Variants in ECT2 observed in about 807,000 individuals in gnomAD.
ECT2 encodes the protein protein ECT2.
ECT2 carries 61 observed loss-of-function variants against 116.9 expected under a neutral mutation model. That is an observed-to-expected ratio of 0.52 (90% CI 0.42 to 0.65). ECT2 has a LOEUF of 0.65. Ranked by LOEUF, ECT2 falls within the 30% of genes least tolerant of loss-of-function variation. The probability of loss-of-function intolerance (pLI) is 0.00; values close to 1 mark genes in which losing one functional copy is unlikely to be tolerated. For missense variants in ECT2, 937 were observed against 1,078.7 expected, an observed-to-expected ratio of 0.87 and a Z score of 1.84; for synonymous variants, 358 against 346.4, an observed-to-expected ratio of 1.03 and a Z score of -0.37.
intron 14 of ECT2, among the ~76,000 whole-genome samples, chr3:172,781,834 T>G (rs999808875): frequency 6.6e-6 from 1 of 152,180 alleles, no homozygotes; most frequent in Admixed American, 6.6e-5. Flanking sequence ...TTCTTAGATT[T>G]CAGCAGCAGG....
intron 13 of ECT2, among the ~76,000 whole-genome samples, chr3:172,773,337 G>T (rs761909625): frequency 3.3e-5 from 5 of 151,702 alleles, no homozygotes; most frequent in Non-Finnish European, 4.4e-5. Context: ...AAATTGACTT[G>T]TGTCTGTGCA....
intron 13 of ECT2, among the ~76,000 whole-genome samples, chr3:172,769,518 C>G (rs1481861267): frequency 2.6e-5 from 4 of 152,050 alleles, no homozygotes; most frequent in African/African-American, 9.7e-5. Flanking sequence ...GTTTTTAGTA[C>G]TGTATATATG....
At chr3:172,792,282 G>A (rs1724809949) in intron 18 of ECT2, among the ~76,000 whole-genome samples, 1 of 152,176 alleles carries the variant, frequency 6.6e-6, no homozygotes, top group Admixed American at 6.5e-5. Context: ...AAAATGACAT[G>A]ATAGACCTAC....
intron 1 of ECT2, among the ~76,000 whole-genome samples, chr3:172,751,525 T>TAAAA (rs1715826131): frequency 6.6e-6 from 1 of 152,008 alleles, no homozygotes; most frequent in Non-Finnish European, 1.5e-5. Flanking sequence ...TTAAAAGGTT[T>TAAAA]AGGACAATGT....
the ECT2 span, chr3:172,828,740 G>C: frequency 9.5e-5 from 52 of 545,312 alleles, no homozygotes; most frequent in South Asian, 9.7e-4. Flanking sequence ...CTCACGTGGC[G>C]AAGAGGATGA....
intron 18 of ECT2, among the ~76,000 whole-genome samples, chr3:172,793,089 C>T (rs62281235): frequency 0.1 from 15,642 of 152,248 alleles, 1,047 homozygotes; most frequent in Non-Finnish European, 0.15. Context: ...TTCCCATCAA[C>T]AGTGTGTGGT....
intron 18 of ECT2, among the ~76,000 whole-genome samples, chr3:172,801,919 A>G (rs141244023): frequency 7.4e-4 from 112 of 152,336 alleles, no homozygotes; most frequent in African/African-American, 2.6e-3. Context: ...TGATTAGCCT[A>G]TGACTTGGTA....
intron 5 of ECT2, 47 bp from the exon 6 acceptor site, chr3:172,758,933 T>A: frequency 6.9e-7 from 1 of 1,452,944 alleles, no homozygotes; most frequent in Non-Finnish European, 9.5e-7. Context: ...TGTGTTGTAT[T>A]TTCTACTAAA....
chr3:172,813,409 T>C (rs1163417822), intron 22 of ECT2, among the ~76,000 whole-genome samples: 1 of 152,100 alleles, frequency 6.6e-6, no homozygotes, highest in Admixed American at 6.6e-5. Context: ...GATTCTTTCC[T>C]GTTCTGACAG....
Position 172,769,136 on chromosome 3 carries a change from T to C in ECT2, c.1421T>C (p.Ile474Thr), listed in dbSNP as rs779392868. 6.2e-6 allele frequency: 10 copies of C among 1,611,248 alleles called. No homozygotes were observed. The highest frequency in any genetic ancestry group is 7.6e-6 in the Non-Finnish European group (9 of 1,178,376). ...AATTATGTTAATATATTGGCAACAATTATTCAGGTAAGTATGAGTTTGATT... is the reference window on the plus strand; with the variant it reads ...AATTATGTTAATATATTGGCAACAACTATTCAGGTAAGTATGAGTTTGATT... Reference protein sequence around the residue: ...ESNYVNILATIIQLFQVPLEE... With the variant: ...ESNYVNILATTIQLFQVPLEE... Residue 474 changes from isoleucine (I) to threonine (T), a missense_variant, in exon 13 of 25, where the codon ATT becomes ACT. Physicochemically the swap from Ile to Thr is moderately conservative, Grantham distance 89. Transcript: ENST00000392692.
At chr3:172,795,325 A>C (rs995928741) in intron 18 of ECT2, among the ~76,000 whole-genome samples, 2,974 of 60,748 alleles carry the variant, frequency 0.049, 79 homozygotes, top group African/African-American at 0.2. Context: ...GACGCTATCA[A>C]AAAAAAAAAA....
chr3:172,775,285 C>T (rs1043854530), intron 14 of ECT2, among the ~76,000 whole-genome samples: 1 of 152,114 alleles, frequency 6.6e-6, no homozygotes, highest in South Asian at 2.1e-4. Context: ...ATCGGAATTA[C>T]AGGATGTTTT....
intron 16 of ECT2, 54 bp from the exon 17 acceptor site, chr3:172,784,653 C>T (rs1185916539): frequency 4.7e-6 from 6 of 1,271,768 alleles, no homozygotes; most frequent in Non-Finnish European, 6.9e-6. Flanking sequence ...AAAAGTAGGG[C>T]ATATAATCTT....
intron 8 of ECT2, among the ~76,000 whole-genome samples, chr3:172,761,946 A>C (rs955467722): frequency 6.6e-6 from 1 of 152,142 alleles, no homozygotes; most frequent in Admixed American, 6.5e-5. Flanking sequence ...ATAATAGCTA[A>C]ATAATTCTGT....
intron 19 of ECT2, 56 bp from the exon 20 acceptor site, chr3:172,802,805 C>A: frequency 6.4e-7 from 1 of 1,561,770 alleles, no homozygotes; most frequent in Non-Finnish European, 8.7e-7. Context: ...ATTACAACTT[C>A]TTAAAAATTA....
Position 172,818,899 on chromosome 3 carries a change from G to A in ECT2, c.2656-1249G>A. The A allele has an allele frequency of 6.4e-6, 7 of 1,089,136 alleles. No homozygotes were observed. The South Asian group carries it at 1.2e-4, about 18-fold the overall frequency. 67.5% of individuals were successfully genotyped at this position (1,089,136 alleles called of 1,614,324 possible). The stretch of plus-strand genomic sequence containing the variant: ...TTCTCCAAGGAATCACTTATTTGGT[G>A]GGTGGGAACTTTGGAATTCACAATG... On this transcript the variant is annotated intron_variant, in intron 24 of 24. Transcript: ENST00000392692.
At chr3:172,761,783 C>A (rs1718354641) in intron 8 of ECT2, 100 bp downstream of exon 8, 2 of 734,902 alleles carry the variant, frequency 2.7e-6, no homozygotes, top group Non-Finnish European at 4.4e-6. Flanking sequence ...GATATAAAAA[C>A]TGAATTCAGT....
chr3:172,777,425 C>T (rs1317638151), intron 14 of ECT2, among the ~76,000 whole-genome samples: 2 of 152,112 alleles, frequency 1.3e-5, no homozygotes, highest in Admixed American at 6.5e-5. Flanking sequence ...ACTGTATTTT[C>T]TTATCTAGGT....
chr3:172,760,116 A>T (rs1717930898), intron 6 of ECT2, 40 bp from the exon 7 acceptor site: 4 of 1,419,058 alleles, frequency 2.8e-6, no homozygotes, highest in Non-Finnish European at 3.9e-6. Flanking sequence ...TTTTGTTCAA[A>T]TTAACCATAA....
Sources: allele counts gnomAD v4.1 joint callset (sites outside exome capture counted in the v4.1 genomes callset), GRCh38; gene constraint gnomAD v4.1.1; transcripts MANE v1.5; gene names NCBI Gene and HGNC (gene_info 2026-07-23, HGNC 2026-07-21).